Variants in RC3H1 observed in about 807,000 individuals in gnomAD.
RC3H1 encodes the protein ring finger and CCCH-type domains 1.
RC3H1 carries 50 observed loss-of-function variants against 138.2 expected under a neutral mutation model. The observed-to-expected ratio is 0.36, with a 90% CI of 0.29 to 0.46. RC3H1 has a LOEUF of 0.46. RC3H1 is among the 20% of genes least tolerant of loss of function. The pLI is 1.00. For synonymous variants in RC3H1, 462 were observed against 489.1 expected (o/e 0.94, Z 0.73); for missense variants, 1,031 against 1,388.1 (o/e 0.74, Z 4.09).
chr1:173,983,788 C>A, intron 3 of RC3H1, 131 bp from the exon 4 acceptor site: 1 of 817,010 alleles, frequency 1.2e-6, no homozygotes, highest in Non-Finnish European at 1.9e-6. Flanking sequence ...AAATAAGCAA[C>A]AAATAAAACC....
At position 174,022,170 on chromosome 1, in the gene RC3H1, C is replaced by G. The variant is rs886268015; in HGVS notation, c.-225G>C. On this transcript the variant is annotated 5_prime_UTR_variant, in exon 1 of 20. Coordinates refer to ENST00000367696, the MANE Select transcript of RC3H1 (RefSeq NM_172071.4). The surrounding 1 kb of genome is among the most constrained non-coding windows in gnomAD (Gnocchi z 4.2). ...TCGCCACCGCCGCGGCAGCCGCCGC[C>G]GCCGCCGAGGCCACCGTTGACTCTG... is the stretch of plus-strand genomic sequence containing the variant. 2.5e-6 allele frequency: 1 copy of G among 395,050 alleles called. No individual in the cohort carries two copies. Among genetic ancestry groups the G allele is most frequent in the African/African-American group, 2.1e-5 (1 of 48,314 alleles). 24.5% of individuals were successfully genotyped at this position (395,050 alleles called of 1,614,324 possible).
chr1:173,983,294 A>C (rs1007264309), intron 4 of RC3H1, 124 bp downstream of exon 4: 1 of 1,215,954 alleles, frequency 8.2e-7, no homozygotes, highest in Non-Finnish European at 1.1e-6. Flanking sequence ...CATGAACATC[A>C]AACAAGATAT....
At chr1:173,981,077 A>T (rs766343151) in intron 5 of RC3H1, 68 bp from the exon 6 acceptor site, 1 of 1,321,310 alleles carries the variant, frequency 7.6e-7, no homozygotes, top group Non-Finnish European at 1.1e-6. Context: ...TGAACATATA[A>T]TTTTTAATGT....
At chr1:173,991,042 C>T (rs1339705784) in intron 2 of RC3H1, among the ~76,000 whole-genome samples, 1 of 152,080 alleles carries the variant, frequency 6.6e-6, no homozygotes, top group African/African-American at 2.4e-5. Context: ...CCAGCATAGC[C>T]AACATGGCGA....
chr1:173,979,353 A>C (rs1660710442), intron 6 of RC3H1, among the ~76,000 whole-genome samples: 1 of 152,214 alleles, frequency 6.6e-6, no homozygotes, highest in Non-Finnish European at 1.5e-5. Context: ...TTTATAAAAG[A>C]CAAGCCAAGC....
intron 1 of RC3H1, among the ~76,000 whole-genome samples, chr1:174,020,796 G>T (rs1661942690): frequency 6.6e-6 from 1 of 152,130 alleles, no homozygotes. Context: ...ATGACTTGAG[G>T]TCAGGAGTTC....
At chr1:174,011,106 C>A (rs1157058239) in intron 1 of RC3H1, among the ~76,000 whole-genome samples, 2 of 152,098 alleles carry the variant, frequency 1.3e-5, no homozygotes, top group Non-Finnish European at 2.9e-5. Flanking sequence ...AATTTTCTTA[C>A]TTCGAAATCC....
intron 7 of RC3H1, among the ~76,000 whole-genome samples, chr1:173,976,868 A>G (rs1245095625): frequency 1.3e-5 from 2 of 152,190 alleles, no homozygotes; most frequent in Admixed American, 6.5e-5. Context: ...TCCGTAAGCA[A>G]TTCTACAAAC....
intron 2 of RC3H1, among the ~76,000 whole-genome samples, chr1:173,990,996 G>A (rs568320001): frequency 6.6e-5 from 10 of 152,274 alleles, no homozygotes; most frequent in East Asian, 3.9e-4. Flanking sequence ...CTGGGAGGTC[G>A]AGACAGGTGG....
intron 13 of RC3H1, among the ~76,000 whole-genome samples, chr1:173,953,348 C>A (rs928593104): frequency 6.6e-5 from 10 of 152,080 alleles, no homozygotes; most frequent in Non-Finnish European, 1.5e-4. Flanking sequence ...TCTCTGCTCA[C>A]GCAACCTCTG....
rs180698816 is a variant in RC3H1, at chr1:173,934,573, T to C, written c.*4148A>G. The C allele has an allele frequency of 1.3e-4, 20 of 152,318 alleles. No homozygotes were observed. The highest frequency in any genetic ancestry group is 4.6e-4 in the African/African-American group (19 of 41,566). The allele number at this position is 152,318 out of a possible 1,614,324, so 9.4% of individuals were successfully genotyped here. A position where few individuals can be genotyped will look rare whatever the true frequency, so the allele number is the denominator to read the frequency against. On this transcript the variant is annotated 3_prime_UTR_variant, in exon 20 of 20. Transcript: ENST00000367696. ...CCAAAACAGAGTAAAGCACAAGTCT[T>C]TGGCTCTCCTTTAAAGAAAACAGCA...
At chr1:173,946,166 CA>C (rs1001954830) in intron 17 of RC3H1, among the ~76,000 whole-genome samples, 5 of 150,988 alleles carry the variant, frequency 3.3e-5, no homozygotes, top group Non-Finnish European at 5.9e-5. Context: ...AATACTGTCT[CA>C]AAAAAAGAAA....
At position 173,979,904 on chromosome 1, in the gene RC3H1, C is replaced by T. The variant is rs141274228; in HGVS notation, c.969+905G>A. On this transcript the variant is annotated intron_variant, in intron 6 of 19. Transcript: ENST00000367696. ...AATTATGTACCGCCTTTTTATCCCC[C>T]CTAAAGAGACAGGGTCTCACTCTGT... 3.5e-4 allele frequency among the ~76,000 whole-genome samples: 54 copies of T among 152,128 alleles called. 2 individuals are homozygous for T. The East Asian group carries it at 7.9e-3, about 22-fold the overall frequency.
intron 18 of RC3H1, among the ~76,000 whole-genome samples, chr1:173,942,940 C>T (rs1658968085): frequency 1.3e-5 from 2 of 152,086 alleles, no homozygotes; most frequent in South Asian, 4.1e-4. Context: ...CACTATGAAG[C>T]AAATCCTAAG....
intron 1 of RC3H1, among the ~76,000 whole-genome samples, chr1:174,017,899 T>C (rs1661891781): frequency 1.2e-5 from 1 of 86,202 alleles, no homozygotes; most frequent in East Asian, 3.2e-4. Flanking sequence ...ATGTGCACAG[T>C]AATAATCAGT....
intron 17 of RC3H1, among the ~76,000 whole-genome samples, 156 bp downstream of exon 17, chr1:173,946,320 T>G (rs1659134634): frequency 2.0e-5 from 3 of 152,222 alleles, no homozygotes; most frequent in Admixed American, 2.0e-4. Context: ...GTCCCAGAGC[T>G]AAATCCAGTA....
intron 5 of RC3H1, among the ~76,000 whole-genome samples, chr1:173,982,331 A>G (rs1005880487): frequency 2.0e-5 from 3 of 150,842 alleles, no homozygotes; most frequent in African/African-American, 7.3e-5. Context: ...GTGAGCCGAG[A>G]TCATGCACTG....
chr1:173,957,799 C>A (rs1659711582), intron 13 of RC3H1, among the ~76,000 whole-genome samples: 1 of 152,146 alleles, frequency 6.6e-6, no homozygotes, highest in African/African-American at 2.4e-5. Flanking sequence ...TGGGCTCAAG[C>A]AATCTTCCCA....
chr1:174,006,457 G>A (rs1313784833), intron 1 of RC3H1, among the ~76,000 whole-genome samples: 3 of 152,090 alleles, frequency 2.0e-5, no homozygotes, highest in Non-Finnish European at 4.4e-5. Context: ...GATGAAGGAA[G>A]GAAAGAAAAC....
Sources: allele counts gnomAD v4.1 joint callset (sites outside exome capture counted in the v4.1 genomes callset), GRCh38; gene constraint gnomAD v4.1.1; non-coding constraint Gnocchi (gnomAD v3.1); transcripts MANE v1.5; gene names NCBI Gene and HGNC (gene_info 2026-07-23, HGNC 2026-07-21).